SCG3: variants seen among roughly 807,000 people sequenced by gnomAD.
The protein encoded by SCG3 is secretogranin-3.
A neutral mutation model predicts 56.2 loss-of-function variants in SCG3; 38 were observed. The ratio of observed to expected loss-of-function variants is 0.68; its 90% CI spans 0.52 to 0.89. SCG3 has a LOEUF of 0.89. Among genes scored for constraint, SCG3 ranks in the 40% least tolerant of loss-of-function variants. The probability of loss-of-function intolerance (pLI) is 0.00; values close to 1 mark genes in which losing one functional copy is unlikely to be tolerated. For synonymous variants in SCG3, 176 were observed against 184.2 expected (o/e 0.96, Z 0.36); for missense variants, 524 against 540.7 (o/e 0.97, Z 0.31).
At chr15:51,708,040 A>G (rs945500140) in intron 10 of SCG3, 2 of 152,226 alleles carry the variant, frequency 1.3e-5, no homozygotes, top group Admixed American at 6.5e-5. Context: ...TTTTTCTCAC[A>G]GTGTAAAAAC....
intron 6 of SCG3, among the ~76,000 whole-genome samples, chr15:51,691,062 G>C (rs749418492): frequency 1.3e-5 from 2 of 152,184 alleles, no homozygotes; most frequent in Non-Finnish European, 2.9e-5. Flanking sequence ...CTGGACTTAG[G>C]CTCAGGAAAT....
At chr15:51,703,009 T>C (rs957694806) in intron 10 of SCG3, among the ~76,000 whole-genome samples, 1 of 152,142 alleles carries the variant, frequency 6.6e-6, no homozygotes, top group Non-Finnish European at 1.5e-5. Context: ...GGGTCAGTGC[T>C]CTCTTGGGTG....
At chr15:51,716,899 G>A (rs1476649824) in intron 11 of SCG3, among the ~76,000 whole-genome samples, 2 of 152,184 alleles carry the variant, frequency 1.3e-5, no homozygotes, top group Admixed American at 6.5e-5. Context: ...TTCAAGTTTC[G>A]GTTTCCACAG....
intron 10 of SCG3, among the ~76,000 whole-genome samples, chr15:51,712,488 G>A (rs1360168759): frequency 6.6e-6 from 1 of 152,220 alleles, no homozygotes; most frequent in Non-Finnish European, 1.5e-5. Context: ...GTCTGAAGGT[G>A]AGGTCTTATC....
At position 51,706,144 on chromosome 15, in the gene SCG3, G is replaced by A. The variant is rs554085055; in HGVS notation, c.1207+4900G>A. On this transcript the variant is annotated intron_variant, in intron 10 of 11. Coordinates refer to ENST00000220478, the MANE Select transcript of SCG3 (RefSeq NM_013243.4). ...TTGCTTCCCTGTTATAAAACCCAGT[G>A]AGAAAACACCCATTGTCTCTAGGTA... 7.2e-5 allele frequency among the ~76,000 whole-genome samples: 11 copies of A among 152,300 alleles called. No homozygotes were observed. In the South Asian group the frequency reaches 1.0e-3, roughly 14 times the overall value.
intron 10 of SCG3, among the ~76,000 whole-genome samples, chr15:51,704,244 C>CATATATAT (rs750951935): frequency 0.021 from 1,548 of 73,420 alleles, 24 homozygotes; most frequent in African/African-American, 0.033. Flanking sequence ...TACATACATA[C>CATATATAT]ATATATATAT....
intron 8 of SCG3, 142 bp from the exon 9 acceptor site, chr15:51,699,177 C>T (rs1051882647): frequency 6.2e-6 from 4 of 643,556 alleles, no homozygotes; most frequent in Admixed American, 3.2e-5. Flanking sequence ...GAAATAAAAT[C>T]CAGGTCAAAA....
chr15:51,715,527 A>C (rs1176645781), intron 11 of SCG3, among the ~76,000 whole-genome samples: 2 of 152,188 alleles, frequency 1.3e-5, no homozygotes, highest in Non-Finnish European at 2.9e-5. Flanking sequence ...GTGATGTGAT[A>C]GTGAGGATAA....
chr15:51,705,472 T>C (rs2055369399), intron 10 of SCG3, among the ~76,000 whole-genome samples: 1 of 152,010 alleles, frequency 6.6e-6, no homozygotes, highest in Admixed American at 6.6e-5. Context: ...CAGATAGTAA[T>C]GGGGAGAGAG....
intron 11 of SCG3, among the ~76,000 whole-genome samples, chr15:51,714,090 T>C (rs1423965549): frequency 6.6e-6 from 1 of 152,016 alleles, no homozygotes; most frequent in Non-Finnish European, 1.5e-5. Flanking sequence ...GAACACTAGG[T>C]ACCAAGACAT....
intron 7 of SCG3, chr15:51,695,558 T>G (rs2055297317): frequency 5.6e-6 from 1 of 179,676 alleles, no homozygotes; most frequent in Non-Finnish European, 1.2e-5. Flanking sequence ...TAAATATATA[T>G]GGTTTTAGCT....
At chr15:51,712,358 C>A (rs1205312329) in intron 10 of SCG3, among the ~76,000 whole-genome samples, 1 of 152,128 alleles carries the variant, frequency 6.6e-6, no homozygotes, top group Non-Finnish European at 1.5e-5. Context: ...TTTTGTAAGC[C>A]ATCTGGTACT....
chr15:51,707,731 GTAAAATGT>G (rs2055385168), intron 10 of SCG3, among the ~76,000 whole-genome samples: 1 of 152,216 alleles, frequency 6.6e-6, no homozygotes, highest in Non-Finnish European at 1.5e-5. Context: ...TAATGGGCAT[GTAAAATGT>G]CATCATTATG....
chr15:51,695,728 T>C (rs1268890083), intron 7 of SCG3, 147 bp from the exon 8 acceptor site: 3 of 589,230 alleles, frequency 5.1e-6, no homozygotes, highest in Admixed American at 3.1e-5. Flanking sequence ...GCCACTGCAT[T>C]CCAGCCTGGG....
In SCG3 at chr15:51,719,602, A is replaced by G. The variant is rs2055483010; in HGVS notation, c.*76A>G. ...AGCTTAAAACACTTCTAATTCTGTG[A>G]TTAAAATTTTTTGACCCAAGGGTTA... is the stretch of plus-strand genomic sequence containing the variant. On this transcript the variant is annotated 3_prime_UTR_variant, in exon 12 of 12. Coordinates refer to ENST00000220478, the MANE Select transcript of SCG3 (RefSeq NM_013243.4). 2 of 1,103,630 alleles carry G rather than the reference A, an allele frequency of 1.8e-6. No homozygotes were observed. The highest frequency in any genetic ancestry group is 2.7e-6 in the Non-Finnish European group (2 of 753,402). The allele number at this position is 1,103,630 out of a possible 1,614,324, so 68.4% of individuals were successfully genotyped here. A position where few individuals can be genotyped will look rare whatever the true frequency, so the allele number is the denominator to read the frequency against.
chr15:51,710,663 T>C (rs963273631), intron 10 of SCG3, among the ~76,000 whole-genome samples: 7 of 151,916 alleles, frequency 4.6e-5, no homozygotes, highest in Non-Finnish European at 8.8e-5. Context: ...CTTGGCTCAC[T>C]GCAACCTCCA....
intron 10 of SCG3, among the ~76,000 whole-genome samples, chr15:51,701,948 T>A (rs977756023): frequency 6.6e-6 from 1 of 150,968 alleles, no homozygotes; most frequent in African/African-American, 2.4e-5. Flanking sequence ...GGTCGGGGGA[T>A]GGGGGAGGAT....
In SCG3 at chr15:51,681,709, C is replaced by T. The variant is rs1379824654; in HGVS notation, c.-47C>T. The T allele has an allele frequency of 6.9e-7, 1 of 1,443,868 alleles. No individual in the cohort carries two copies. The highest frequency in any genetic ancestry group is 1.1e-5 in the South Asian group (1 of 87,060). The allele number at this position is 1,443,868 out of a possible 1,614,324, so 89.4% of individuals were successfully genotyped here. ...TTTTCATTCATAACAAAAGCTACAG[C>T]TCCAGGAGCCCAGCGCCGGGCTGTG... On this transcript the variant is annotated 5_prime_UTR_variant, in exon 1 of 12. Transcript: ENST00000220478.
chr15:51,715,426 T>A (rs2622777), intron 11 of SCG3, among the ~76,000 whole-genome samples: 2 of 151,874 alleles, frequency 1.3e-5, no homozygotes, highest in Non-Finnish European at 2.9e-5. Context: ...CTATTAGTTC[T>A]GACCTTTCTT....
Sources: gnomAD v4.1 joint callset for allele counts (sites outside exome capture counted in the v4.1 genomes callset) on GRCh38, gnomAD v4.1.1 for gene constraint, MANE v1.5 for transcripts, NCBI Gene and HGNC (gene_info 2026-07-23, HGNC 2026-07-21) for gene names.